ARHGAP10: variants seen among roughly 807,000 people sequenced by gnomAD.
ARHGAP10 encodes the protein rho GTPase-activating protein 10.
A neutral mutation model predicts 108.6 loss-of-function variants in ARHGAP10; 87 were observed. The observed-to-expected ratio is 0.80, with a 90% CI of 0.67 to 0.96. The LOEUF (loss-of-function observed/expected upper bound fraction) is 0.96, where lower values mean the gene tolerates loss of function less well. Ranked by LOEUF, ARHGAP10 falls within the 40% of genes least tolerant of loss-of-function variation. ARHGAP10 has a pLI of 0.00. For synonymous variants in ARHGAP10, 347 were observed against 341.1 expected, an observed-to-expected ratio of 1.02 and a Z score of -0.19; for missense variants, 939 against 954.5, an observed-to-expected ratio of 0.98 and a Z score of 0.21.
chr4:148,066,701 C>T (rs1729893416), intron 22 of ARHGAP10, among the ~76,000 whole-genome samples: 1 of 152,250 alleles, frequency 6.6e-6, no homozygotes, highest in African/African-American at 2.4e-5. Flanking sequence ...CCTGGGCTCA[C>T]ACCATGGCTT....
chr4:147,881,771 T>G, intron 9 of ARHGAP10, 67 bp from the exon 10 acceptor site: 1 of 1,446,940 alleles, frequency 6.9e-7, no homozygotes, highest in Non-Finnish European at 9.6e-7. Flanking sequence ...CTCTCCAGTA[T>G]AGAATGGCTG....
chr4:148,070,392 G>T (rs1009909665), intron 22 of ARHGAP10, among the ~76,000 whole-genome samples: 5 of 152,184 alleles, frequency 3.3e-5, no homozygotes, highest in Admixed American at 2.6e-4. Context: ...TGAATGTAAG[G>T]AAAGTGCAGG....
intron 3 of ARHGAP10, among the ~76,000 whole-genome samples, chr4:147,841,391 TGTTA>T (rs1733410050): frequency 6.6e-6 from 1 of 152,250 alleles, no homozygotes; most frequent in African/African-American, 2.4e-5. Context: ...ATTTCTAATA[TGTTA>T]GTATTTGAAA....
intron 1 of ARHGAP10, among the ~76,000 whole-genome samples, chr4:147,738,682 A>G (rs1728530812): frequency 6.6e-6 from 1 of 152,200 alleles, no homozygotes; most frequent in Admixed American, 6.5e-5. Context: ...AATTACAGGC[A>G]TATATTTTAT....
chr4:147,811,253 A>G (rs1424260013), intron 1 of ARHGAP10, among the ~76,000 whole-genome samples: 1 of 152,216 alleles, frequency 6.6e-6, no homozygotes, highest in Non-Finnish European at 1.5e-5. Flanking sequence ...TCTTGTGAGA[A>G]TTCTCTTTGT....
At chr4:147,750,690 C>T (rs940016999) in intron 1 of ARHGAP10, among the ~76,000 whole-genome samples, 10 of 151,738 alleles carry the variant, frequency 6.6e-5, no homozygotes, top group African/African-American at 2.4e-4. Flanking sequence ...CAACCTCCGC[C>T]TCCTGGGTTC....
intron 8 of ARHGAP10, among the ~76,000 whole-genome samples, chr4:147,876,699 T>G (rs1397552317): frequency 6.6e-6 from 1 of 152,244 alleles, no homozygotes; most frequent in African/African-American, 2.4e-5. Context: ...GAAACTTTAA[T>G]TTTTAGATTC....
chr4:147,921,070 G>A (rs1323311226), intron 13 of ARHGAP10, among the ~76,000 whole-genome samples: 1 of 152,214 alleles, frequency 6.6e-6, no homozygotes, highest in Non-Finnish European at 1.5e-5. Context: ...ATGCCCCAGG[G>A]TTCTGCTTAG....
intron 18 of ARHGAP10, among the ~76,000 whole-genome samples, chr4:148,003,982 AGGAACTACGT>A (rs1276961441): frequency 8.7e-6 from 1 of 114,334 alleles, no homozygotes; most frequent in Non-Finnish European, 1.7e-5. Flanking sequence ...CCTTGAGGGG[AGGAACTACGT>A]GGTTTTCTGT....
intron 10 of ARHGAP10, among the ~76,000 whole-genome samples, chr4:147,898,177 T>A (rs1393667886): frequency 6.2e-5 from 3 of 48,504 alleles, no homozygotes; most frequent in African/African-American, 1.1e-4. Context: ...TTCCTTAGGC[T>A]GCCTTAGGCT....
At chr4:147,739,186 CAAAAAAAAAAAA>C (rs59965552) in intron 1 of ARHGAP10, among the ~76,000 whole-genome samples, 2 of 69,960 alleles carry the variant, frequency 2.9e-5, no homozygotes, top group Non-Finnish European at 6.6e-5. Context: ...GACTCTGTCT[CAAAAAAAAAAAA>C]AAAAAGAAAA....
intron 1 of ARHGAP10, chr4:147,745,332 C>T (rs1728864702): frequency 6.6e-6 from 1 of 152,272 alleles, no homozygotes; most frequent in African/African-American, 2.4e-5. Flanking sequence ...TCAAAACATT[C>T]AACCCTGTCT....
At position 148,017,680 on chromosome 4, in the gene ARHGAP10, A is replaced by ATATATATGAG. The variant is rs11281620; in HGVS notation, c.1717-5580_1717-5579insATATGAGTAT. Among the ~76,000 whole-genome samples, 904 of 141,384 alleles carry ATATATATGAG rather than the reference A, an allele frequency of 6.4e-3. 12 individuals are homozygous for ATATATATGAG. The highest frequency in any genetic ancestry group is 0.015 in the Middle Eastern group (4 of 272). 92.8% of individuals were successfully genotyped at this position (141,384 alleles called of 152,430 possible). A position where few individuals can be genotyped will look rare whatever the true frequency, so the allele number is the denominator to read the frequency against. On this transcript the variant is annotated intron_variant, in intron 18 of 22. Transcript: ENST00000336498. ...TATATATATATATATATATATATAT[A>ATATATATGAG]TATGTGTGTGTATGTAAAGGAATTC...
At chr4:147,739,319 A>G (rs890539869) in intron 1 of ARHGAP10, among the ~76,000 whole-genome samples, 9 of 152,364 alleles carry the variant, frequency 5.9e-5, no homozygotes, top group East Asian at 5.8e-4. Context: ...TGCTAAGGTC[A>G]TTGCAAAACT....
At chr4:147,976,331 T>A (rs1021796793) in intron 18 of ARHGAP10, among the ~76,000 whole-genome samples, 1 of 152,176 alleles carries the variant, frequency 6.6e-6, no homozygotes, top group Non-Finnish European at 1.5e-5. Context: ...AAAATAAATG[T>A]CTTAAACAAC....
chr4:148,018,002 G>A (rs1741415451), intron 18 of ARHGAP10, among the ~76,000 whole-genome samples: 1 of 152,036 alleles, frequency 6.6e-6, no homozygotes, highest in African/African-American at 2.4e-5. Context: ...TCTGAACAGC[G>A]GTGCCAGACT....
chr4:147,872,087 G>A (rs1247239174), intron 7 of ARHGAP10, among the ~76,000 whole-genome samples: 1 of 136,340 alleles, frequency 7.3e-6, no homozygotes, highest in East Asian at 2.2e-4. Context: ...GACCAACAGA[G>A]TGAGACTCGG....
chr4:147,760,028 G>A (rs1349942487), intron 1 of ARHGAP10, among the ~76,000 whole-genome samples: 2 of 152,170 alleles, frequency 1.3e-5, no homozygotes, highest in Non-Finnish European at 1.5e-5. Context: ...GGAATTATAG[G>A]CATGAGACAC....
At chr4:148,058,722 G>C (rs183579767) in intron 20 of ARHGAP10, among the ~76,000 whole-genome samples, 138 of 152,330 alleles carry the variant, frequency 9.1e-4, no homozygotes, top group Non-Finnish European at 1.2e-3. Context: ...CTGCTGATCT[G>C]TTCCATTTTC....
Sources: gnomAD v4.1 joint callset for allele counts (sites outside exome capture counted in the v4.1 genomes callset) on GRCh38, gnomAD v4.1.1 for gene constraint, MANE v1.5 for transcripts, NCBI Gene and HGNC (gene_info 2026-07-23, HGNC 2026-07-21) for gene names.